SLC27A6: variants seen among roughly 807,000 people sequenced by gnomAD.
SLC27A6 encodes the protein long-chain fatty acid transport protein 6.
Under a neutral mutation model 63.9 loss-of-function variants are expected in SLC27A6, and 74 were observed. The ratio of observed to expected loss-of-function variants is 1.16; its 90% CI spans 0.96 to 1.40. The LOEUF (loss-of-function observed/expected upper bound fraction) is 1.40, where lower values mean the gene tolerates loss of function less well. SLC27A6 is among the 40% of genes most tolerant of loss of function. The pLI, the probability that SLC27A6 is intolerant of heterozygous loss-of-function variation, is 0.00. For missense variants in SLC27A6, 794 were observed against 732.9 expected (o/e 1.08, Z -0.96); for synonymous variants, 287 against 260.8 (o/e 1.10, Z -0.97).
chr5:128,987,806 C>G (rs1750842426), intron 2 of SLC27A6, among the ~76,000 whole-genome samples: 1 of 151,570 alleles, frequency 6.6e-6, no homozygotes, highest in Non-Finnish European at 1.5e-5. Context: ...ATAAATGTAA[C>G]AGAAAAAAGC....
chr5:129,025,841 AG>A (rs1197025669), intron 6 of SLC27A6, among the ~76,000 whole-genome samples: 1 of 152,152 alleles, frequency 6.6e-6, no homozygotes, highest in Non-Finnish European at 1.5e-5. Flanking sequence ...ATGGGAGTCG[AG>A]TAAAGACTGT....
intron 1 of SLC27A6, among the ~76,000 whole-genome samples, chr5:128,984,567 C>A (rs1467399269): frequency 6.6e-6 from 1 of 152,104 alleles, no homozygotes; most frequent in Non-Finnish European, 1.5e-5. Context: ...AAACATTGTA[C>A]CCAATAGGTA....
At chr5:129,016,265 G>A (rs1181759396) in intron 5 of SLC27A6, among the ~76,000 whole-genome samples, 186 bp downstream of exon 5, 2 of 151,552 alleles carry the variant, frequency 1.3e-5, no homozygotes, top group Non-Finnish European at 1.5e-5. Context: ...GTGTAGTGGC[G>A]GACACCTGTA....
intron 4 of SLC27A6, among the ~76,000 whole-genome samples, chr5:129,005,608 ATTTT>A (rs34048257): frequency 3.0e-5 from 3 of 98,918 alleles, no homozygotes; most frequent in South Asian, 6.8e-4. Flanking sequence ...GTCTGGTTGT[ATTTT>A]TTTTTTTTTT....
At chr5:128,972,236 T>C (rs921649405) in intron 1 of SLC27A6, among the ~76,000 whole-genome samples, 20 of 152,178 alleles carry the variant, frequency 1.3e-4, no homozygotes, top group African/African-American at 4.3e-4. Flanking sequence ...GACAATTATG[T>C]GTCTTGGGGT....
intron 4 of SLC27A6, among the ~76,000 whole-genome samples, chr5:128,994,932 G>A (rs1751105173): frequency 6.6e-6 from 1 of 152,118 alleles, no homozygotes; most frequent in South Asian, 2.1e-4. Flanking sequence ...TGGCATAAAC[G>A]TTAGATGTAC....
chr5:129,016,120 C>T (rs574902461), intron 5 of SLC27A6, 41 bp downstream of exon 5: 177 of 1,431,768 alleles, frequency 1.2e-4, no homozygotes, highest in East Asian at 1.4e-4. Context: ...TACATCGGTG[C>T]GGTGGCTCAT....
intron 6 of SLC27A6, 57 bp downstream of exon 6, chr5:129,023,767 A>G: frequency 8.1e-7 from 1 of 1,236,014 alleles, no homozygotes; most frequent in Non-Finnish European, 1.2e-6. Flanking sequence ...TCCTGTATAC[A>G]GACATCCCTT....
chr5:129,018,633 A>G (rs1671698158), intron 5 of SLC27A6, among the ~76,000 whole-genome samples: 1 of 152,064 alleles, frequency 6.6e-6, no homozygotes, highest in Non-Finnish European at 1.5e-5. Flanking sequence ...TTCCATTACA[A>G]ATTTGGTATT....
At chr5:129,021,351 C>T (rs537237999) in intron 5 of SLC27A6, among the ~76,000 whole-genome samples, 4 of 152,120 alleles carry the variant, frequency 2.6e-5, no homozygotes, top group Admixed American at 6.6e-5. Context: ...TATTTCACTT[C>T]GTGACTTTGA....
rs147224154 is a variant in SLC27A6 at position 129,022,309 on chromosome 5, A to G, written c.1165-1311A>G. The stretch of plus-strand genomic sequence containing the variant: ...CATTAAATAGAACTCTTAAACACTT[A>G]GCACAGTGTCCAGCATATAGTTGGT... On this transcript the variant is annotated intron_variant, in intron 5 of 9. Coordinates refer to ENST00000262462, the MANE Select transcript of SLC27A6 (RefSeq NM_001017372.3). 4.1e-4 allele frequency among the ~76,000 whole-genome samples: 62 copies of G among 152,346 alleles called. 1 individual carries two copies. Among genetic ancestry groups the G allele is most frequent in the African/African-American group, 1.3e-3 (56 of 41,594 alleles).
intron 2 of SLC27A6, among the ~76,000 whole-genome samples, chr5:128,987,509 A>C (rs559398681): frequency 1.3e-5 from 2 of 152,336 alleles, no homozygotes; most frequent in Admixed American, 6.5e-5. Context: ...GAAAGATAAA[A>C]AGGATGTTGG....
At chr5:128,969,282 T>C (rs1750041883) in intron 1 of SLC27A6, among the ~76,000 whole-genome samples, 1 of 152,154 alleles carries the variant, frequency 6.6e-6, no homozygotes, top group African/African-American at 2.4e-5. Flanking sequence ...TTAAAGTAGT[T>C]TTTTCCAATT....
At chr5:128,969,212 T>G (rs1201673801) in intron 1 of SLC27A6, among the ~76,000 whole-genome samples, 1 of 152,240 alleles carries the variant, frequency 6.6e-6, no homozygotes, top group Non-Finnish European at 1.5e-5. Flanking sequence ...CCTCCAGCTT[T>G]GCTCTTTTTG....
At chr5:129,014,015 C>A (rs1449235770) in intron 4 of SLC27A6, among the ~76,000 whole-genome samples, 1 of 152,132 alleles carries the variant, frequency 6.6e-6, no homozygotes, top group Admixed American at 6.6e-5. Context: ...AAGTCAGTAT[C>A]TTTTCTCTTG....
intron 2 of SLC27A6, among the ~76,000 whole-genome samples, chr5:128,985,831 C>G (rs1255020057): frequency 6.6e-6 from 1 of 152,058 alleles, no homozygotes; most frequent in Non-Finnish European, 1.5e-5. Context: ...AAACATAATC[C>G]AGGTATACCG....
intron 1 of SLC27A6, among the ~76,000 whole-genome samples, chr5:128,974,344 A>G (rs1750301834): frequency 1.3e-5 from 2 of 152,214 alleles, no homozygotes; most frequent in African/African-American, 4.8e-5. Context: ...AGCCAAGACT[A>G]TTTAGTTGAT....
intron 5 of SLC27A6, among the ~76,000 whole-genome samples, chr5:129,019,495 T>C (rs1408302604): frequency 6.6e-6 from 1 of 150,724 alleles, no homozygotes; most frequent in Non-Finnish European, 1.5e-5. Context: ...TGAATGCACA[T>C]CAAAATAGTA....
At chr5:129,000,290 C>T (rs1463499096) in intron 4 of SLC27A6, among the ~76,000 whole-genome samples, 12 of 152,138 alleles carry the variant, frequency 7.9e-5, no homozygotes, top group Non-Finnish European at 1.8e-4. Context: ...TTCTTTATCT[C>T]TCTTAATCTT....
Sources: gnomAD v4.1 joint callset for allele counts (sites outside exome capture counted in the v4.1 genomes callset) on GRCh38, gnomAD v4.1.1 for gene constraint, MANE v1.5 for transcripts, NCBI Gene and HGNC (gene_info 2026-07-23, HGNC 2026-07-21) for gene names.